PTCHD4: variants seen among roughly 807,000 people sequenced by gnomAD.
PTCHD4 encodes patched domain-containing protein 4.
Under a neutral mutation model 58.1 loss-of-function variants are expected in PTCHD4, and 33 were observed. That is an observed-to-expected ratio of 0.57 (90% CI 0.43 to 0.76). PTCHD4 has a LOEUF of 0.76. Among genes scored for constraint, PTCHD4 ranks in the 30% least tolerant of loss-of-function variants. PTCHD4 has a pLI of 0.00. For missense variants in PTCHD4, 1,058 were observed against 1,027.1 expected, an observed-to-expected ratio of 1.03 and a Z score of -0.41; for synonymous variants, 478 against 409.6, an observed-to-expected ratio of 1.17 and a Z score of -2.02.
At chr6:47,922,446 G>T (rs779484785) in intron 4 of PTCHD4, among the ~76,000 whole-genome samples, 2 of 152,006 alleles carry the variant, frequency 1.3e-5, no homozygotes, top group Admixed American at 1.3e-4. Flanking sequence ...CCCCCCTGCC[G>T]GCCCAACTGG....
chr6:48,015,442 C>T (rs1443314560), intron 3 of PTCHD4, among the ~76,000 whole-genome samples: 5 of 151,972 alleles, frequency 3.3e-5, no homozygotes, highest in African/African-American at 1.2e-4. Flanking sequence ...TCAGACCTGT[C>T]TCCTATCACC....
chr6:47,991,240 A>G (rs1768270765), intron 4 of PTCHD4, among the ~76,000 whole-genome samples: 1 of 152,206 alleles, frequency 6.6e-6, no homozygotes. Context: ...ATCTAGATAT[A>G]TCACAGCGAA....
intron 4 of PTCHD4, among the ~76,000 whole-genome samples, chr6:47,948,660 G>A (rs1191089564): frequency 3.3e-5 from 5 of 151,992 alleles, no homozygotes; most frequent in Non-Finnish European, 4.4e-5. Flanking sequence ...TCTTCTAACT[G>A]GTCTCTTACC....
At chr6:48,025,554 A>T (rs1025377422) in intron 3 of PTCHD4, among the ~76,000 whole-genome samples, 1 of 152,188 alleles carries the variant, frequency 6.6e-6, no homozygotes, top group Non-Finnish European at 1.5e-5. Context: ...TCTCTTCTTT[A>T]GAGAGATTAT....
intron 4 of PTCHD4, among the ~76,000 whole-genome samples, chr6:47,946,604 G>A (rs894055504): frequency 6.6e-6 from 1 of 152,070 alleles, no homozygotes; most frequent in South Asian, 2.1e-4. Flanking sequence ...CTTATAAACA[G>A]CATATAGTTG....
intron 3 of PTCHD4, among the ~76,000 whole-genome samples, chr6:48,053,001 C>T (rs183836211): frequency 5.8e-4 from 88 of 152,232 alleles, no homozygotes; most frequent in African/African-American, 2.0e-3. Context: ...GCTGGAACTA[C>T]TTTAAATATT....
chr6:47,880,875 T>A (rs1764001005), intron 4 of PTCHD4, among the ~76,000 whole-genome samples: 1 of 152,172 alleles, frequency 6.6e-6, no homozygotes, highest in African/African-American at 2.4e-5. Context: ...AGAAAGCAGC[T>A]GAGTAAACAA....
chr6:47,946,022 TG>T (rs1766405032), intron 4 of PTCHD4, among the ~76,000 whole-genome samples: 1 of 152,004 alleles, frequency 6.6e-6, no homozygotes, highest in Non-Finnish European at 1.5e-5. Context: ...TACAAACAAA[TG>T]AAATTTTTCT....
At chr6:47,936,060 T>G (rs1361656356) in intron 4 of PTCHD4, among the ~76,000 whole-genome samples, 2 of 152,136 alleles carry the variant, frequency 1.3e-5, no homozygotes, top group African/African-American at 4.8e-5. Flanking sequence ...TTGTGAATCT[T>G]TGGAAACACA....
intron 4 of PTCHD4, among the ~76,000 whole-genome samples, chr6:47,933,605 G>A (rs1174558591): frequency 1.3e-5 from 2 of 152,138 alleles, no homozygotes; most frequent in African/African-American, 2.4e-5. Flanking sequence ...CAAAAACTGA[G>A]TTTTGGCCTA....
intron 4 of PTCHD4, among the ~76,000 whole-genome samples, chr6:47,889,581 C>T (rs1388517310): frequency 2.0e-5 from 3 of 151,792 alleles, no homozygotes; most frequent in African/African-American, 4.8e-5. Flanking sequence ...TTTGACAAAC[C>T]TGAGAAAAAC....
intron 1 of PTCHD4, among the ~76,000 whole-genome samples, chr6:48,084,685 T>C (rs1174996087): frequency 1.3e-5 from 2 of 152,020 alleles, no homozygotes; most frequent in African/African-American, 4.8e-5. Flanking sequence ...TCAAAACCGC[T>C]CAGTGTTTTA....
At chr6:47,953,928 C>T (rs916799216) in intron 4 of PTCHD4, among the ~76,000 whole-genome samples, 1 of 152,098 alleles carries the variant, frequency 6.6e-6, no homozygotes, top group Admixed American at 6.5e-5. Flanking sequence ...ATAGTTACAT[C>T]CTAATTCAAT....
intron 4 of PTCHD4, among the ~76,000 whole-genome samples, chr6:47,970,216 T>G (rs908129531): frequency 7.2e-5 from 11 of 152,198 alleles, no homozygotes; most frequent in African/African-American, 2.2e-4. Context: ...CATTTAAGTC[T>G]GCTCCTTTTT....
Position 48,009,105 on chromosome 6 carries a change from T to C in PTCHD4, c.427A>G (p.Asn143Asp), listed in dbSNP as rs1487487502. ...RAVLEMKDGR[N>D]SFIGHQLGGV... ...CCCAGTTGGTGTCCAATAAAACTGT[T>C]CCTCCCATCCTTGAAAACAGAAAAA... The change falls in exon 4 of 5, where the codon AAC (asparagine) becomes GAC (aspartate). Residue 143 changes from asparagine (N) to aspartate (D), a missense_variant. Coordinates refer to ENST00000339488, the MANE Select transcript of PTCHD4 (RefSeq NM_001384253.1). 5 of 1,599,942 alleles carry C rather than the reference T, an allele frequency of 3.1e-6. No homozygotes were observed. The highest frequency in any genetic ancestry group is 4.3e-6 in the Non-Finnish European group (5 of 1,172,810).
At chr6:48,063,739 T>G (rs1382326581) in intron 3 of PTCHD4, among the ~76,000 whole-genome samples, 2 of 152,190 alleles carry the variant, frequency 1.3e-5, no homozygotes, top group Non-Finnish European at 1.5e-5. Context: ...GGTAGTGATG[T>G]TTTACTCAGT....
chr6:48,096,478 G>T (rs1487525515), intron 1 of PTCHD4, among the ~76,000 whole-genome samples: 1 of 152,084 alleles, frequency 6.6e-6, no homozygotes, highest in Non-Finnish European at 1.5e-5. Flanking sequence ...TGGGCGTGGT[G>T]GCGGGCGCCT....
intron 3 of PTCHD4, among the ~76,000 whole-genome samples, chr6:48,044,924 C>T (rs1189739533): frequency 2.0e-5 from 3 of 151,708 alleles, no homozygotes; most frequent in Non-Finnish European, 4.4e-5. Flanking sequence ...ATTTGCAAGC[C>T]GAATTTATAT....
chr6:47,944,413 G>A (rs1478971280), intron 4 of PTCHD4, among the ~76,000 whole-genome samples: 3 of 152,108 alleles, frequency 2.0e-5, no homozygotes, highest in Non-Finnish European at 4.4e-5. Context: ...AGGTGAATAT[G>A]TTGTAAAAAT....
Sources: gnomAD v4.1 joint callset for allele counts (sites outside exome capture counted in the v4.1 genomes callset) on GRCh38, gnomAD v4.1.1 for gene constraint, MANE v1.5 for transcripts, NCBI Gene and HGNC (gene_info 2026-07-23, HGNC 2026-07-21) for gene names.